The following BRSK2 variants were observed in gnomAD, a reference collection of about 807,000 sequenced individuals.
The protein encoded by BRSK2 is BR serine/threonine kinase 2.
BRSK2 carries 19 observed loss-of-function variants against 83.3 expected under a neutral mutation model. That is an observed-to-expected ratio of 0.23 (90% CI 0.16 to 0.33). BRSK2 has a LOEUF of 0.33. BRSK2 is among the 10% of genes least tolerant of loss of function. The pLI, the probability that BRSK2 is intolerant of heterozygous loss-of-function variation, is 1.00. For missense variants in BRSK2, 798 were observed against 1,042.3 expected, an observed-to-expected ratio of 0.77 and a Z score of 3.23; for synonymous variants, 519 against 435.4, an observed-to-expected ratio of 1.19 and a Z score of -2.39.
intron 1 of BRSK2, among the ~76,000 whole-genome samples, chr11:1,404,416 C>T (rs999995630): frequency 1.3e-5 from 2 of 152,206 alleles, no homozygotes; most frequent in East Asian, 3.9e-4. Context: ...CCTCCCAGGA[C>T]AGACGTCCCT....
chr11:1,447,470 G>A (rs977246251), intron 12 of BRSK2, among the ~76,000 whole-genome samples: 1 of 152,210 alleles, frequency 6.6e-6, no homozygotes, highest in African/African-American at 2.4e-5. Flanking sequence ...AAGGCCACTA[G>A]TCCTGGCATG....
At chr11:1,406,815 C>T (rs1217573410) in intron 1 of BRSK2, among the ~76,000 whole-genome samples, 3 of 152,148 alleles carry the variant, frequency 2.0e-5, no homozygotes, top group Non-Finnish European at 4.4e-5. Flanking sequence ...AAAAGAGGAG[C>T]CCAGGCATCT....
chr11:1,442,254 G>A (rs1037464179), intron 4 of BRSK2, among the ~76,000 whole-genome samples: 11 of 152,036 alleles, frequency 7.2e-5, no homozygotes, highest in Non-Finnish European at 1.2e-4. Context: ...AGCCTGCCAG[G>A]GTGCAGGAGG....
intron 1 of BRSK2, among the ~76,000 whole-genome samples, chr11:1,395,459 C>A (rs1043188563): frequency 4.6e-5 from 7 of 152,218 alleles, no homozygotes; most frequent in Admixed American, 3.3e-4. Context: ...CCACAGGGAG[C>A]CCCCTTTCCA....
rs370439651 is a variant in BRSK2, at chr11:1,451,418, G to C, written c.1543G>C (p.Glu515Gln). 6.2e-7 allele frequency: 1 copy of C among 1,612,856 alleles called. No individual in the cohort carries two copies. Among genetic ancestry groups the C allele is most frequent in the Non-Finnish European group, 8.5e-7 (1 of 1,179,898 alleles). The change falls in exon 15 of 20, where the codon GAG becomes CAG. Residue 515 changes from glutamate to glutamine, a missense_variant and splice_region_variant. This residue lies in a region of BRSK2 where 455 missense variants were observed against 455.2 expected (regional missense o/e 1.00). Transcript: ENST00000528841. ...MSNLTPESSP[E>Q]LAKKSWFGNF... The stretch of plus-strand genomic sequence containing the variant: ...CAACCTGACACCAGAGTCGTCCCCA[G>C]AGTAAGTGGCCCCTGCTGGAGGCCT...
At position 1,397,198 on chromosome 11, in the gene BRSK2, G is replaced by C. The variant is rs77449934; in HGVS notation, c.91+6823G>C. ...GCCTAGGCTGACCAAGCGGCCTGCA[G>C]ATCTCCCTGAGGCCTCACCCCAGGG... On this transcript the variant is annotated intron_variant, in intron 1 of 19. Transcript: ENST00000528841. Among the ~76,000 whole-genome samples, 28 of 152,334 alleles carry C rather than the reference G, an allele frequency of 1.8e-4. No homozygotes were observed. The East Asian group carries it at 5.4e-3, about 30-fold the overall frequency.
At chr11:1,437,782 C>T (rs1850531359) in intron 2 of BRSK2, among the ~76,000 whole-genome samples, 1 of 152,212 alleles carries the variant, frequency 6.6e-6, no homozygotes, top group Admixed American at 6.5e-5. Flanking sequence ...ATCCGACTGG[C>T]TGGGAGCCTG....
At chr11:1,460,028 T>C (rs1270169596) in intron 19 of BRSK2, among the ~76,000 whole-genome samples, 1 of 151,720 alleles carries the variant, frequency 6.6e-6, no homozygotes, top group Non-Finnish European at 1.5e-5. Flanking sequence ...CAGCAGGCCC[T>C]TGTCTTTACG....
At chr11:1,401,897 G>C (rs1031112474) in intron 1 of BRSK2, among the ~76,000 whole-genome samples, 13 of 152,254 alleles carry the variant, frequency 8.5e-5, no homozygotes, top group African/African-American at 2.4e-4. Flanking sequence ...GAGGGCCGGT[G>C]ATTTTTGGCA....
In BRSK2 at chr11:1,456,925, A is replaced by C. The variant is rs567639286; in HGVS notation, c.1939+238A>C. On this transcript the variant is annotated intron_variant, in intron 18 of 19. Coordinates refer to ENST00000528841, the MANE Select transcript of BRSK2 (RefSeq NM_001256627.2). The stretch of plus-strand genomic sequence containing the variant: ...CAGGGACATAGGGCGCAGCCGCACC[A>C]CACTGAAAGGCGCCTCTTGTCCACC... The C allele has an allele frequency of 1.4e-5, 22 of 1,593,844 alleles. No homozygotes were observed. In the East Asian group the frequency reaches 4.7e-4, roughly 34 times the overall value.
At chr11:1,424,739 G>GT (rs1028459216) in intron 1 of BRSK2, among the ~76,000 whole-genome samples, 5 of 152,168 alleles carry the variant, frequency 3.3e-5, no homozygotes, top group Non-Finnish European at 5.9e-5. Flanking sequence ...GAGGGAGTCG[G>GT]GGGGGCCAGG....
chr11:1,436,146 C>A lies in BRSK2; in HGVS notation c.186+12C>A. 1 of 96,056 alleles carries A rather than the reference C, an allele frequency of 1.0e-5. No individual in the cohort carries two copies. The highest frequency in any genetic ancestry group is 1.9e-5 in the Non-Finnish European group (1 of 51,444). The allele number at this position is 96,056 out of a possible 1,614,324, so 6.0% of individuals were successfully genotyped here. A position where few individuals can be genotyped will look rare whatever the true frequency, so the allele number is the denominator to read the frequency against. ...CGGTGCTGATGAAGGTGGGTGGGGC[C>A]GGGGAGGGAGGCGGGGCCGGCGGTG... On this transcript the variant is annotated intron_variant, in intron 2 of 19. Transcript: ENST00000528841.
chr11:1,458,078 A>G (rs1846867310), intron 18 of BRSK2, among the ~76,000 whole-genome samples: 1 of 152,152 alleles, frequency 6.6e-6, no homozygotes, highest in Non-Finnish European at 1.5e-5. Flanking sequence ...AACCGAGGCC[A>G]GGGAACGACA....
At chr11:1,455,114 G>A (rs574353631) in intron 16 of BRSK2, among the ~76,000 whole-genome samples, 24 of 152,282 alleles carry the variant, frequency 1.6e-4, no homozygotes, top group African/African-American at 4.8e-4. Flanking sequence ...GGTCGCGCTC[G>A]GGGTCTTGGG....
In BRSK2 at chr11:1,440,841, A is replaced by G; in HGVS notation, c.326A>G (p.Lys109Arg). 1 of 1,602,854 alleles carries G rather than the reference A, an allele frequency of 6.2e-7. No homozygotes were observed. Among genetic ancestry groups the G allele is most frequent in the East Asian group, 2.2e-5 (1 of 44,618 alleles). Residue 109 changes from lysine to arginine, a missense_variant, in exon 4 of 20, where the codon AAG becomes AGG. Around this residue, in one of 6 missense-constraint regions of BRSK2, gnomAD observed 109 missense variants for 259.2 expected, o/e 0.42. Transcript: ENST00000528841. Reference protein sequence around the residue: ...SGGELFDYLVKKGRLTPKEAR... With the variant: ...SGGELFDYLVRKGRLTPKEAR... Reference sequence around the variant, plus strand: ...GGTGAGCTCTTCGACTACCTGGTGAAGAAGGGGAGGCTGACGCCTAAGGAG... The same window carrying G: ...GGTGAGCTCTTCGACTACCTGGTGAGGAAGGGGAGGCTGACGCCTAAGGAG...
At position 1,437,048 on chromosome 11, in the gene BRSK2, A is replaced by G. The variant is rs191351608; in HGVS notation, c.186+914A>G. On this transcript the variant is annotated intron_variant, in intron 2 of 19. Transcript: ENST00000528841. ...TGAGGGCTGCCTGGATGGGGCTGGC[A>G]GGGTCCCACCCTGCCTTGGAGGAGA... Among the ~76,000 whole-genome samples, 378 of 151,966 alleles carry G rather than the reference A, an allele frequency of 2.5e-3. 3 individuals carry two copies. The highest frequency in any genetic ancestry group is 8.8e-3 in the African/African-American group (366 of 41,442).
Position 1,411,329 on chromosome 11 carries a change from C to T in BRSK2, c.91+20954C>T, listed in dbSNP as rs1046306884. On this transcript the variant is annotated intron_variant, in intron 1 of 19. Coordinates refer to ENST00000528841, the MANE Select transcript of BRSK2 (RefSeq NM_001256627.2). ...CCGGGTGGGGTCCTGAAGCTGGGGC[C>T]GGAGCAGGGGGCACAGTTCTGCCCC... The T allele has an allele frequency of 3.8e-5, 52 of 1,367,384 alleles. No individual in the cohort carries two copies. In the South Asian group the frequency reaches 5.3e-4, roughly 14 times the overall value. 84.7% of individuals were successfully genotyped at this position (1,367,384 alleles called of 1,614,324 possible).
At position 1,460,604 on chromosome 11, in the gene BRSK2, C is replaced by T; in HGVS notation, c.2092C>T (p.His698Tyr). The T allele has an allele frequency of 2.0e-6, 3 of 1,532,508 alleles. No individual in the cohort carries two copies. The highest frequency in any genetic ancestry group is 1.4e-5 in the African/African-American group (1 of 72,924). 94.9% of individuals were successfully genotyped at this position (1,532,508 alleles called of 1,614,324 possible). A position where few individuals can be genotyped will look rare whatever the true frequency, so the allele number is the denominator to read the frequency against. ...APSTPAKRSA[H>Y]GPLGDSAAAG... is the part of the protein sequence containing the mutation. ...CAGCACGCCCGCCAAGCGGAGTGCC[C>T]ACGGCCCACTCGGTGACTCCGCGGC... Residue 698 changes from histidine (H) to tyrosine (Y), a missense_variant, in exon 20 of 20, where the codon CAC becomes TAC. His to Tyr is a moderately conservative substitution (Grantham distance 83, BLOSUM62 2). Coordinates refer to ENST00000528841, the MANE Select transcript of BRSK2 (RefSeq NM_001256627.2).
intron 15 of BRSK2, among the ~76,000 whole-genome samples, chr11:1,452,811 C>T (rs779192607): frequency 6.6e-5 from 10 of 152,230 alleles, no homozygotes; most frequent in African/African-American, 1.7e-4. Context: ...ACGCCTTGGA[C>T]GAGGGTCCAG....
Sources: gnomAD v4.1 joint callset for allele counts (sites outside exome capture counted in the v4.1 genomes callset) on GRCh38, gnomAD v4.1.1 for gene constraint, gnomAD v4.1.1 regional missense constraint, MANE v1.5 for transcripts, NCBI Gene and HGNC (gene_info 2026-07-23, HGNC 2026-07-21) for gene names.